RPL39: variants seen among roughly 807,000 people sequenced by gnomAD.
RPL39 encodes the protein ribosomal protein L39.
For synonymous variants in RPL39, 8 were observed against 11.4 expected (o/e 0.70, Z 0.60); for missense variants, 6 against 37.2 (o/e 0.16, Z 2.18).
At chrX:119,790,615 A>G (rs189924082) in intron 1 of RPL39, 2 of 112,464 alleles carry the variant, frequency 1.8e-5, no homozygotes, top group East Asian at 5.5e-4. Flanking sequence ...ACTGGCTAAA[A>G]AAATAAACTT....
chrX:119,791,418 G>A, intron 1 of RPL39, 156 bp downstream of exon 1: 1 of 459,648 alleles, frequency 2.2e-6, no homozygotes, highest in South Asian at 9.3e-5. Context: ...TTCCCTCCAG[G>A]CCACGAAAGA....
chrX:119,786,806 T>C (rs2055668452), intron 2 of RPL39, 74 bp from the exon 3 acceptor site: 13 of 804,548 alleles, frequency 1.6e-5, no homozygotes, highest in Admixed American at 7.3e-5. Context: ...CATAACCTTT[T>C]AGGTACCACA....
intron 1 of RPL39, chrX:119,790,248 A>C (rs1011868705): frequency 1.7e-4 from 52 of 303,506 alleles, no homozygotes; most frequent in Middle Eastern, 4.9e-4. Flanking sequence ...AAACATGCAC[A>C]AAATCAGAGC....
intron 2 of RPL39, among the ~76,000 whole-genome samples, chrX:119,787,813 A>G (rs1248973059): frequency 1.8e-5 from 2 of 110,956 alleles, no homozygotes; most frequent in Admixed American, 1.9e-4. Context: ...CACCAAGTCC[A>G]GCTAATTTAT....
rs57895047 is a variant in RPL39 at position 119,787,239 on chromosome X, G to A, written c.108-507C>T. 9.4e-3 allele frequency: 2,615 copies of A among 277,600 alleles called. 69 individuals are homozygous for A. The highest frequency in any genetic ancestry group is 0.068 in the African/African-American group (2,367 of 34,977). The allele number at this position is 277,600 out of a possible 1,213,427, so 22.9% of individuals were successfully genotyped here. A position where few individuals can be genotyped will look rare whatever the true frequency, so the allele number is the denominator to read the frequency against. ...CTGGACTTCGAGATCCACCCGCCTCGTCCTCCCAAAGAGTTGAGATTACAG... is the reference window on the plus strand; with the variant it reads ...CTGGACTTCGAGATCCACCCGCCTCATCCTCCCAAAGAGTTGAGATTACAG... On this transcript the variant is annotated intron_variant, in intron 2 of 2. Coordinates refer to ENST00000361575, the MANE Select transcript of RPL39 (RefSeq NM_001000.4).
At chrX:119,787,709 G>A (rs1050213883) in intron 2 of RPL39, among the ~76,000 whole-genome samples, 3 of 110,931 alleles carry the variant, frequency 2.7e-5, no homozygotes, top group East Asian at 2.8e-4. Flanking sequence ...ACAATGCAGC[G>A]GCCGGATCAC....
chrX:119,788,315 C>G (rs1024061271), intron 2 of RPL39, among the ~76,000 whole-genome samples: 1 of 111,281 alleles, frequency 9.0e-6, no homozygotes, highest in South Asian at 3.7e-4. Context: ...GCGTGAATCA[C>G]GAGGTCAGGA....
chrX:119,786,832 T>C (rs2055668558), intron 2 of RPL39, 100 bp from the exon 3 acceptor site: 1 of 606,827 alleles, frequency 1.6e-6, no homozygotes, highest in Non-Finnish European at 2.7e-6. Flanking sequence ...CAAAGGGTAC[T>C]GCTTTTCTCT....
rs1317083312 is a variant in RPL39 at position 119,791,612 on chromosome X, G to A, written c.-36C>T. ...GGAGTCAAGAACACACCACGATGGC[G>A]GAGAAAGGAAGAGGAGGGAAGCTGG... On this transcript the variant is annotated 5_prime_UTR_variant, in exon 1 of 3. Transcript: ENST00000361575. The A allele has an allele frequency of 8.6e-7, 1 of 1,160,957 alleles. No individual in the cohort carries two copies. Among genetic ancestry groups the A allele is most frequent in the African/African-American group, 1.8e-5 (1 of 55,967 alleles).
At chrX:119,790,802 C>T (rs1412310678) in intron 1 of RPL39, 3 of 110,867 alleles carry the variant, frequency 2.7e-5, no homozygotes, top group Non-Finnish European at 5.7e-5. Flanking sequence ...CGAACATACC[C>T]TTGCATAATA....
At chrX:119,789,040 G>A (rs915432473) in intron 2 of RPL39, among the ~76,000 whole-genome samples, 1 of 111,502 alleles carries the variant, frequency 9.0e-6, no homozygotes, top group Non-Finnish European at 1.9e-5. Context: ...TGAGACAGGA[G>A]GATTGCTTGA....
Position 119,786,748 on chromosome X carries a change from T to A in RPL39, c.108-16A>T. 1 of 1,192,352 alleles carries A rather than the reference T, an allele frequency of 8.4e-7. No individual in the cohort carries two copies. The highest frequency in any genetic ancestry group is 1.1e-6 in the Non-Finnish European group (1 of 879,603). On this transcript the variant is annotated splice_polypyrimidine_tract_variant and intron_variant, in intron 2 of 2. Transcript: ENST00000361575. ...GGAGTTGTACCTACACAGAAAAAAA[T>A]GTCAAGTTACAAAGGCAGTCTGACA...
chrX:119,790,572 T>C (rs1001595551), intron 1 of RPL39: 5 of 112,470 alleles, frequency 4.4e-5, no homozygotes, highest in Non-Finnish European at 7.5e-5. Flanking sequence ...CATTTCGGTA[T>C]TAATCCTAAC....
intron 2 of RPL39, 52 bp from the exon 3 acceptor site, chrX:119,786,784 T>G: frequency 1.0e-6 from 1 of 1,004,682 alleles, no homozygotes; most frequent in South Asian, 2.0e-5. Context: ...GCAATGTAGC[T>G]GTTCCCATTC....
chrX:119,786,952 C>T (rs753805000), intron 2 of RPL39, among the ~76,000 whole-genome samples: 106 of 112,324 alleles, frequency 9.4e-4, no homozygotes, highest in Non-Finnish European at 1.6e-3. Flanking sequence ...GAAGGCTAGG[C>T]TCTTAACTAG....
In RPL39 at chrX:119,790,232, G is replaced by T. The variant is rs188363543; in HGVS notation, c.4-221C>A. The T allele has an allele frequency of 1.5e-5, 5 of 328,269 alleles. No individual in the cohort carries two copies. The East Asian group carries it at 2.4e-4, about 16-fold the overall frequency. The allele number at this position is 328,269 out of a possible 1,213,427, so 27.1% of individuals were successfully genotyped here. A position where few individuals can be genotyped will look rare whatever the true frequency, so the allele number is the denominator to read the frequency against. On this transcript the variant is annotated intron_variant, in intron 1 of 2. Coordinates refer to ENST00000361575, the MANE Select transcript of RPL39 (RefSeq NM_001000.4). ...GTTCAGATAAAATAAGTGGAATCCGGTTAAGAAACATGCACAAAATCAGAG... is the reference window on the plus strand; with the variant it reads ...GTTCAGATAAAATAAGTGGAATCCGTTTAAGAAACATGCACAAAATCAGAG...
chrX:119,788,351 G>T (rs1859166726), intron 2 of RPL39, among the ~76,000 whole-genome samples: 1 of 110,888 alleles, frequency 9.0e-6, no homozygotes, highest in Admixed American at 9.7e-5. Flanking sequence ...GGCCAAGATG[G>T]TGAAACCCCG....
chrX:119,788,537 A>G (rs2147733319), intron 2 of RPL39, among the ~76,000 whole-genome samples: 1 of 110,424 alleles, frequency 9.1e-6, no homozygotes, highest in East Asian at 2.8e-4. Flanking sequence ...ATCTCAAAAA[A>G]AAAAAAAAGA....
At chrX:119,787,232 C>T (rs1452066236) in intron 2 of RPL39, 3 of 272,999 alleles carry the variant, frequency 1.1e-5, no homozygotes, top group African/African-American at 8.6e-5. Context: ...CGAGATCCAC[C>T]CGCCTCGTCC....
Sources: gnomAD v4.1 joint callset for allele counts (sites outside exome capture counted in the v4.1 genomes callset) on GRCh38, gnomAD v4.1.1 for gene constraint, MANE v1.5 for transcripts, NCBI Gene and HGNC (gene_info 2026-07-23, HGNC 2026-07-21) for gene names.